Variants in RELN observed in about 807,000 individuals in gnomAD.
The protein encoded by RELN is reelin.
A neutral mutation model predicts 427.6 loss-of-function variants in RELN; 108 were observed. That is an observed-to-expected ratio of 0.25 (90% CI 0.22 to 0.30). The LOEUF (loss-of-function observed/expected upper bound fraction) is 0.30, where lower values mean the gene tolerates loss of function less well. Ranked by LOEUF, RELN falls within the 10% of genes least tolerant of loss-of-function variation. RELN has a pLI of 1.00. For missense variants in RELN, 3,715 were observed against 4,302.8 expected, an observed-to-expected ratio of 0.86 and a Z score of 3.82; for synonymous variants, 1,524 against 1,513.4, an observed-to-expected ratio of 1.01 and a Z score of -0.16.
At chr7:103,731,160 G>A (rs568157360) in intron 6 of RELN, among the ~76,000 whole-genome samples, 2 of 152,242 alleles carry the variant, frequency 1.3e-5, no homozygotes, top group East Asian at 3.9e-4. Flanking sequence ...GGTACCTAAT[G>A]CAGAGACTGG....
chr7:103,631,035 C>T lies in RELN; in HGVS notation c.2466-859G>A, dbSNP rs149691293. On this transcript the variant is annotated intron_variant, in intron 19 of 64. Transcript: ENST00000428762. The stretch of plus-strand genomic sequence containing the variant: ...TGTGTGAAGAAACACGCTAAACCAC[C>T]TCTTGGGAATGTACTGTTTTACATA... Among the ~76,000 whole-genome samples, 1,116 of 151,822 alleles carry T rather than the reference C, an allele frequency of 7.4e-3. 7 individuals carry two copies. The highest frequency in any genetic ancestry group is 0.011 in the Non-Finnish European group (739 of 67,920).
chr7:103,773,214 TCTCC>T (rs1342752815), intron 4 of RELN, among the ~76,000 whole-genome samples: 2 of 77,526 alleles, frequency 2.6e-5, no homozygotes, highest in Non-Finnish European at 2.4e-5. Context: ...TCTCTCTCTC[TCTCC>T]CTCCCTCCCT....
intron 2 of RELN, among the ~76,000 whole-genome samples, chr7:103,890,465 A>G (rs930646337): frequency 3.9e-5 from 6 of 152,180 alleles, no homozygotes; most frequent in African/African-American, 1.4e-4. Context: ...ACAGAAGCAC[A>G]AACCCTATTG....
chr7:103,624,664 G>A (rs1460172148), intron 20 of RELN, among the ~76,000 whole-genome samples: 1 of 152,112 alleles, frequency 6.6e-6, no homozygotes, highest in Non-Finnish European at 1.5e-5. Context: ...CTGACCTCAG[G>A]TGATCCACCC....
chr7:103,872,104 G>A (rs1280586768), intron 2 of RELN, among the ~76,000 whole-genome samples: 2 of 133,722 alleles, frequency 1.5e-5, no homozygotes, highest in African/African-American at 2.8e-5. Flanking sequence ...GGGTACATGT[G>A]CACATTGTGC....
chr7:103,889,969 A>G (rs1159973236), intron 2 of RELN, among the ~76,000 whole-genome samples: 2 of 152,112 alleles, frequency 1.3e-5, no homozygotes, highest in Non-Finnish European at 2.9e-5. Flanking sequence ...AACTCTGGCC[A>G]AATAGTTACC....
chr7:103,498,061 C>T lies in RELN; in HGVS notation c.8843+16G>A, dbSNP rs780991806. On this transcript the variant is annotated intron_variant, in intron 54 of 64. Transcript: ENST00000428762. Reference sequence around the variant, plus strand: ...GCTATGGTGCAATAGAAATAACTAACAAAAAATTCACTTACTTTGCACCTC... The same window carrying T: ...GCTATGGTGCAATAGAAATAACTAATAAAAAATTCACTTACTTTGCACCTC... 6 of 1,613,174 alleles carry T rather than the reference C, an allele frequency of 3.7e-6. No homozygotes were observed. Among genetic ancestry groups the T allele is most frequent in the East Asian group, 4.5e-5 (2 of 44,880 alleles).
chr7:103,738,341 T>C (rs1014641467), intron 6 of RELN, among the ~76,000 whole-genome samples: 2 of 152,038 alleles, frequency 1.3e-5, no homozygotes, highest in Non-Finnish European at 2.9e-5. Flanking sequence ...TTGCAGTCTC[T>C]CTCTGTCTCA....
At chr7:103,926,790 A>G (rs1314179320) in intron 1 of RELN, among the ~76,000 whole-genome samples, 1 of 151,906 alleles carries the variant, frequency 6.6e-6, no homozygotes, top group Non-Finnish European at 1.5e-5. Context: ...GATTACAGGC[A>G]TGAGCCACCA....
intron 28 of RELN, among the ~76,000 whole-genome samples, chr7:103,577,687 G>A (rs997087254): frequency 1.3e-5 from 2 of 152,050 alleles, no homozygotes; most frequent in African/African-American, 4.8e-5. Context: ...TGGAATTAAT[G>A]TACACCAGCA....
chr7:103,497,762 G>A, intron 55 of RELN, 58 bp downstream of exon 55: 3 of 1,342,718 alleles, frequency 2.2e-6, no homozygotes, highest in Non-Finnish European at 3.2e-6. Context: ...TTTTCTGAGG[G>A]TGTTGGATGG....
intron 53 of RELN, among the ~76,000 whole-genome samples, chr7:103,499,211 A>G (rs1280695744): frequency 6.6e-6 from 1 of 152,220 alleles, no homozygotes; most frequent in African/African-American, 2.4e-5. Flanking sequence ...TAAGTACTCA[A>G]AATCTAGAAT....
intron 2 of RELN, among the ~76,000 whole-genome samples, chr7:103,849,640 GT>G (rs1166762605): frequency 6.6e-6 from 1 of 152,030 alleles, no homozygotes; most frequent in East Asian, 1.9e-4. Flanking sequence ...GTAAGTACAT[GT>G]CTCTCTTTTT....
At chr7:103,980,275 G>C (rs1477951530) in intron 1 of RELN, among the ~76,000 whole-genome samples, 2 of 151,806 alleles carry the variant, frequency 1.3e-5, no homozygotes, top group African/African-American at 4.8e-5. Context: ...TATTTTGAAG[G>C]CATGTTAACT....
intron 1 of RELN, among the ~76,000 whole-genome samples, chr7:103,932,572 T>C (rs1256474719): frequency 6.6e-6 from 1 of 152,208 alleles, no homozygotes; most frequent in African/African-American, 2.4e-5. Context: ...TAGGCAACCA[T>C]GCTGATTGGC....
intron 3 of RELN, among the ~76,000 whole-genome samples, chr7:103,808,990 T>C (rs1272131759): frequency 6.6e-6 from 1 of 152,070 alleles, no homozygotes; most frequent in African/African-American, 2.4e-5. Flanking sequence ...ATGTACATCA[T>C]CAAGAAATTC....
At chr7:103,916,083 G>A (rs766300917) in intron 2 of RELN, among the ~76,000 whole-genome samples, 6 of 152,064 alleles carry the variant, frequency 3.9e-5, no homozygotes, top group Non-Finnish European at 5.9e-5. Flanking sequence ...GAATGACTTC[G>A]AGGTTTCCTT....
intron 2 of RELN, among the ~76,000 whole-genome samples, chr7:103,862,466 T>C (rs188119816): frequency 2.0e-5 from 3 of 147,732 alleles, no homozygotes; most frequent in Admixed American, 1.4e-4. Flanking sequence ...TATCTATCTA[T>C]CTTCTCAATC....
rs1388971791 is a variant in RELN at position 103,563,757 on chromosome 7, T to C, written c.5210+1521A>G. On this transcript the variant is annotated intron_variant, in intron 34 of 64. Coordinates refer to ENST00000428762, the MANE Select transcript of RELN (RefSeq NM_005045.4). The surrounding 1 kb of genome is among the most constrained non-coding windows in gnomAD (Gnocchi z 4.1). ...GGAAGTGCCCTATACAAGTGTACCA[T>C]TTAAAAATCTTTTATACCATATTTT... Among the ~76,000 whole-genome samples the C allele has an allele frequency of 6.6e-6, 1 of 152,214 alleles. No homozygotes were observed. The highest frequency in any genetic ancestry group is 1.5e-5 in the Non-Finnish European group (1 of 68,026).
Sources: allele counts gnomAD v4.1 joint callset (sites outside exome capture counted in the v4.1 genomes callset), GRCh38; gene constraint gnomAD v4.1.1; non-coding constraint Gnocchi (gnomAD v3.1); transcripts MANE v1.5; gene names NCBI Gene and HGNC (gene_info 2026-07-23, HGNC 2026-07-21).